Variants in PLXNA4 observed in about 807,000 individuals in gnomAD.
PLXNA4 encodes the protein plexin-A4.
In PLXNA4, 44 loss-of-function variants were observed where a neutral mutation model predicts 191.8. That is an observed-to-expected ratio of 0.23 (90% CI 0.18 to 0.29). The LOEUF is 0.29. PLXNA4 is among the 10% of genes least tolerant of loss of function. PLXNA4 has a pLI of 1.00. For missense variants in PLXNA4, 1,800 were observed against 2,488.8 expected (o/e 0.72, Z 5.89); for synonymous variants, 1,082 against 1,009.5 (o/e 1.07, Z -1.36).
At position 132,147,927 on chromosome 7, in the gene PLXNA4, C is replaced by T. The variant is rs201134213; in HGVS notation, c.4837G>A (p.Val1613Ile). ...TATTTACTTGCTGAGGTCCTGGAGA[C>T]GGTGGAGTTGTTCACTGCGTTATAG... ...TAYNAVNNSTVSRTSASKYEN... is the reference protein window; with the variant it reads ...TAYNAVNNSTISRTSASKYEN... Residue 1613 changes from valine (V) to isoleucine (I), a missense_variant, in exon 27 of 32, where the codon GTC becomes ATC. Physicochemically the swap from Val to Ile is conservative, Grantham distance 29 (BLOSUM62 3). Around this residue, in one of 6 missense-constraint regions of PLXNA4, gnomAD observed 214 missense variants for 298.2 expected, o/e 0.72. Transcript: ENST00000321063. The T allele has an allele frequency of 5.5e-4, 885 of 1,614,082 alleles. 2 individuals carry two copies. Among genetic ancestry groups the T allele is most frequent in the South Asian group, 2.9e-4 (26 of 91,068 alleles).
At position 132,495,379 on chromosome 7, in the gene PLXNA4, T is replaced by C. The variant is rs193085179; in HGVS notation, c.1189-5905A>G. 2.7e-3 allele frequency among the ~76,000 whole-genome samples: 418 copies of C among 152,286 alleles called. 2 individuals are homozygous for C. The highest frequency in any genetic ancestry group is 9.8e-3 in the African/African-American group (407 of 41,570). On this transcript the variant is annotated intron_variant, in intron 2 of 31. Transcript: ENST00000321063. ...TAGCTCTGGGACACAGTCTCTTCCA[T>C]AGCCACAGGCTGCCCTCTTACTGCA...
At chr7:132,268,402 T>C (rs1379615323) in intron 4 of PLXNA4, among the ~76,000 whole-genome samples, 1 of 152,228 alleles carries the variant, frequency 6.6e-6, no homozygotes, top group East Asian at 1.9e-4. Context: ...CATTCCCAAA[T>C]ATAAGACTGG....
At chr7:132,638,845 T>C (rs1262928640) in intron 2 of PLXNA4, among the ~76,000 whole-genome samples, 2 of 152,148 alleles carry the variant, frequency 1.3e-5, no homozygotes, top group African/African-American at 4.8e-5. Flanking sequence ...CCAGAATGTC[T>C]TAGCCCGTGG....
chr7:132,182,032 C>A (rs1796724361), intron 17 of PLXNA4, 65 bp downstream of exon 17: 1 of 1,611,280 alleles, frequency 6.2e-7, no homozygotes, highest in East Asian at 2.2e-5. Context: ...GGAAGACCCA[C>A]ACCCTTTGGG....
intron 3 of PLXNA4, among the ~76,000 whole-genome samples, chr7:132,466,702 C>T (rs1165035050): frequency 1.3e-5 from 2 of 152,184 alleles, no homozygotes; most frequent in African/African-American, 4.8e-5. Context: ...GTGTAACCCC[C>T]TCCCTCGGGG....
At chr7:132,480,689 AG>A (rs1327053188) in intron 3 of PLXNA4, among the ~76,000 whole-genome samples, 15 of 152,330 alleles carry the variant, frequency 9.8e-5, no homozygotes, top group Non-Finnish European at 1.8e-4. Context: ...GCAGCAGGCC[AG>A]GGGTAAGTGG....
chr7:132,413,476 G>A (rs1430880348), intron 3 of PLXNA4, among the ~76,000 whole-genome samples: 1 of 152,132 alleles, frequency 6.6e-6, no homozygotes, highest in Non-Finnish European at 1.5e-5. Context: ...CAGATGTCAC[G>A]ATTATTCTGC....
chr7:132,152,044 C>T (rs539853952), intron 25 of PLXNA4, among the ~76,000 whole-genome samples: 2 of 152,294 alleles, frequency 1.3e-5, no homozygotes, highest in Non-Finnish European at 1.5e-5. Context: ...TTTCCCTAGG[C>T]TCATCACGGA....
At chr7:132,506,397 G>A (rs577266826) in intron 2 of PLXNA4, among the ~76,000 whole-genome samples, 2 of 152,324 alleles carry the variant, frequency 1.3e-5, no homozygotes, top group Admixed American at 6.5e-5. Flanking sequence ...ACATCAGTAT[G>A]GATGCGTACT....
At chr7:132,417,122 C>A (rs531876745) in intron 3 of PLXNA4, among the ~76,000 whole-genome samples, 1 of 152,094 alleles carries the variant, frequency 6.6e-6, no homozygotes, top group African/African-American at 2.4e-5. Context: ...CAGGGACTCC[C>A]GCTTCCCCCT....
intron 1 of PLXNA4, among the ~76,000 whole-genome samples, chr7:132,520,909 G>A (rs574166736): frequency 1.8e-4 from 28 of 152,146 alleles, no homozygotes; most frequent in African/African-American, 6.8e-4. Context: ...CCAAATGGCA[G>A]GGCTTCTGTT....
At chr7:132,255,405 T>A (rs1049263881) in intron 4 of PLXNA4, among the ~76,000 whole-genome samples, 2 of 152,144 alleles carry the variant, frequency 1.3e-5, no homozygotes, top group Admixed American at 1.3e-4. Flanking sequence ...TCCTAGACCA[T>A]CCAAACCTAA....
intron 2 of PLXNA4, among the ~76,000 whole-genome samples, chr7:132,613,993 T>A (rs1450234478): frequency 6.6e-6 from 1 of 152,128 alleles, no homozygotes; most frequent in Non-Finnish European, 1.5e-5. Context: ...TGGGGAGACC[T>A]TCTGGAGGGA....
In PLXNA4 at chr7:132,140,193, A is replaced by T. The variant is rs147019522; in HGVS notation, c.5438+406T>A. Among the ~76,000 whole-genome samples the T allele has an allele frequency of 2.6e-3, 390 of 152,346 alleles. 2 individuals carry two copies. The highest frequency in any genetic ancestry group is 8.9e-3 in the African/African-American group (372 of 41,580). The stretch of plus-strand genomic sequence containing the variant: ...GGAACTGCCAGCCAGACGGTAGCAG[A>T]TGGGTAGAGGCCTCCAGCCTTTTCT... On this transcript the variant is annotated intron_variant, in intron 30 of 31. Transcript: ENST00000321063.
Position 132,381,161 on chromosome 7 carries a change from A to G in PLXNA4, c.1372-82939T>C, listed in dbSNP as rs78917651. On this transcript the variant is annotated intron_variant, in intron 3 of 31. Coordinates refer to ENST00000321063, the MANE Select transcript of PLXNA4 (RefSeq NM_020911.2). Reference sequence around the variant, plus strand: ...GGCAACAGGTAGCACTTGCAAATTGAGGACTGGTTGGTTTGGTTGTATCCT... The same window carrying G: ...GGCAACAGGTAGCACTTGCAAATTGGGGACTGGTTGGTTTGGTTGTATCCT... 1.3e-3 allele frequency among the ~76,000 whole-genome samples: 199 copies of G among 152,324 alleles called. 3 individuals are homozygous for G. The East Asian group carries it at 0.03, about 23-fold the overall frequency.
chr7:132,598,513 T>C (rs1802759443), intron 2 of PLXNA4, among the ~76,000 whole-genome samples: 1 of 151,054 alleles, frequency 6.6e-6, no homozygotes, highest in South Asian at 2.1e-4. Context: ...AAAGTAACAT[T>C]TTAATTTGCA....
chr7:132,219,369 T>TGG (rs1420713112), intron 9 of PLXNA4, among the ~76,000 whole-genome samples: 1 of 152,198 alleles, frequency 6.6e-6, no homozygotes, highest in Non-Finnish European at 1.5e-5. Flanking sequence ...GGATTTATCT[T>TGG]GGGGGCTTTC....
chr7:132,140,585 G>A lies in PLXNA4; in HGVS notation c.5438+14C>T. ...GCAAGGGGCCCTGACTTGGCTCCGTGGCCCAGCACTCACCTCTCCACCCAA... is the reference window on the plus strand; with the variant it reads ...GCAAGGGGCCCTGACTTGGCTCCGTAGCCCAGCACTCACCTCTCCACCCAA... On this transcript the variant is annotated intron_variant, in intron 30 of 31. Transcript: ENST00000321063. 6.2e-7 allele frequency: 1 copy of A among 1,611,558 alleles called. No individual in the cohort carries two copies. The highest frequency in any genetic ancestry group is 1.7e-5 in the Admixed American group (1 of 59,916).
chr7:132,614,527 G>T (rs978011657), intron 2 of PLXNA4, among the ~76,000 whole-genome samples: 2 of 152,216 alleles, frequency 1.3e-5, no homozygotes, highest in African/African-American at 4.8e-5. Context: ...TCAAAGGTGG[G>T]GAGGCACTGA....
Sources: allele counts gnomAD v4.1 joint callset (sites outside exome capture counted in the v4.1 genomes callset), GRCh38; gene constraint gnomAD v4.1.1; regional missense constraint gnomAD v4.1.1; transcripts MANE v1.5; gene names NCBI Gene and HGNC (gene_info 2026-07-23, HGNC 2026-07-21).